The following LSP1 variants were observed in gnomAD, a reference collection of about 807,000 sequenced individuals.
LSP1 encodes the protein lymphocyte-specific protein 1.
A neutral mutation model predicts 49.3 loss-of-function variants in LSP1; 32 were observed. The ratio of observed to expected loss-of-function variants is 0.65; its 90% CI spans 0.49 to 0.87. The LOEUF (loss-of-function observed/expected upper bound fraction) is 0.87. Ranked by LOEUF, LSP1 falls within the 40% of genes least tolerant of loss-of-function variation. LSP1 has a pLI of 0.00. For missense variants in LSP1, 428 were observed against 442.6 expected, an observed-to-expected ratio of 0.97 and a Z score of 0.30; for synonymous variants, 179 against 178.8, an observed-to-expected ratio of 1.00 and a Z score of -0.01.
chr11:1,878,057 G>A (rs911757549), intron 1 of LSP1, among the ~76,000 whole-genome samples: 4 of 152,050 alleles, frequency 2.6e-5, no homozygotes, highest in Non-Finnish European at 4.4e-5. Context: ...TGGACCCATC[G>A]GAAGCCCAGG....
At chr11:1,891,645 T>A (rs1239695631) in intron 10 of LSP1, 128 bp from the exon 11 acceptor site, 1 of 153,856 alleles carries the variant, frequency 6.5e-6, no homozygotes, top group Non-Finnish European at 1.4e-5. Flanking sequence ...AGTGGGGGTG[T>A]GGGCAGGGCA....
At chr11:1,882,458 A>C (rs1379118373) in intron 3 of LSP1, among the ~76,000 whole-genome samples, 2 of 151,984 alleles carry the variant, frequency 1.3e-5, no homozygotes, top group African/African-American at 4.8e-5. Context: ...CCCACTCCCC[A>C]AGAACCACTG....
chr11:1,874,209 G>A (rs1240691933), intron 1 of LSP1, among the ~76,000 whole-genome samples: 2 of 87,284 alleles, frequency 2.3e-5, no homozygotes, highest in African/African-American at 1.0e-4. Context: ...TGGGGACAGT[G>A]GGGGCAGTGT....
intron 1 of LSP1, chr11:1,863,422 T>C (rs1160069884): frequency 1.3e-5 from 2 of 152,272 alleles, no homozygotes; most frequent in African/African-American, 2.4e-5. Flanking sequence ...CCAGGACTAA[T>C]TGGGTGGCCA....
intron 3 of LSP1, 148 bp from the exon 4 acceptor site, chr11:1,883,271 A>G: frequency 2.0e-6 from 2 of 987,018 alleles, no homozygotes; most frequent in East Asian, 4.9e-5. Flanking sequence ...CTTCTTTCCC[A>G]ATGGGCTTGG....
At chr11:1,874,073 A>T (rs1450655711) in intron 1 of LSP1, among the ~76,000 whole-genome samples, 14 of 131,842 alleles carry the variant, frequency 1.1e-4, no homozygotes, top group Admixed American at 1.6e-4. Context: ...AGGCCGGCAG[A>T]GGAGGGAGGC....
At chr11:1,870,444 A>AGG in intron 1 of LSP1, 1 of 1,205,266 alleles carries the variant, frequency 8.3e-7, no homozygotes, top group East Asian at 5.9e-5. Flanking sequence ...TGAGTCTGGG[A>AGG]GGGGCTGGTC....
intron 10 of LSP1, 51 bp downstream of exon 10, chr11:1,887,627 G>A (rs1037540042): frequency 1.3e-6 from 2 of 1,481,512 alleles, no homozygotes; most frequent in African/African-American, 1.4e-5. Flanking sequence ...CACGTGCACT[G>A]TGCTGGGAAC....
chr11:1,889,450 G>A lies in LSP1; in HGVS notation c.*13+1874G>A, dbSNP rs1459859353. Reference sequence around the variant, plus strand: ...AGGGCGGGCACCTCCTGCTCTGTGGGGGCAGGCACCTCCTGCTCTGTGGGG... The same window carrying A: ...AGGGCGGGCACCTCCTGCTCTGTGGAGGCAGGCACCTCCTGCTCTGTGGGG... On this transcript the variant is annotated intron_variant, in intron 10 of 10. Coordinates refer to ENST00000311604, the MANE Select transcript of LSP1 (RefSeq NM_002339.3). The A allele has an allele frequency of 4.7e-6, 3 of 645,048 alleles. 1 individual carries two copies. The South Asian group carries it at 5.2e-5, about 11-fold the overall frequency. The allele number at this position is 645,048 out of a possible 1,614,324, so 40.0% of individuals were successfully genotyped here. A position where few individuals can be genotyped will look rare whatever the true frequency, so the allele number is the denominator to read the frequency against.
At chr11:1,879,072 C>T (rs577287161) in intron 1 of LSP1, among the ~76,000 whole-genome samples, 4 of 152,266 alleles carry the variant, frequency 2.6e-5, no homozygotes, top group South Asian at 2.1e-4. Flanking sequence ...CGGCTGGGTG[C>T]GGTGGCTCAT....
At chr11:1,889,924 G>A in intron 10 of LSP1, 1 of 629,748 alleles carries the variant, frequency 1.6e-6, no homozygotes, top group Non-Finnish European at 2.9e-6. Flanking sequence ...GGGACCAGGG[G>A]CTGGGCCCTG....
intron 1 of LSP1, among the ~76,000 whole-genome samples, chr11:1,860,250 G>T (rs1324256501): frequency 6.6e-6 from 1 of 152,178 alleles, no homozygotes; most frequent in Non-Finnish European, 1.5e-5. Flanking sequence ...CAAATGGATG[G>T]ATGGATGGAT....
intron 1 of LSP1, among the ~76,000 whole-genome samples, chr11:1,866,248 T>C (rs1847784645): frequency 6.6e-6 from 1 of 152,178 alleles, no homozygotes; most frequent in African/African-American, 2.4e-5. Context: ...CTTCCTTTGA[T>C]GGCATGGAGC....
chr11:1,872,059 G>C lies in LSP1; in HGVS notation c.54-8028G>C, dbSNP rs1250485995. Among the ~76,000 whole-genome samples the C allele has an allele frequency of 3.3e-5, 4 of 121,728 alleles. No homozygotes were observed. The East Asian group carries it at 7.3e-4, about 22-fold the overall frequency. 79.9% of individuals were successfully genotyped at this position (121,728 alleles called of 152,430 possible). ...GGCAGGCCTGGGCTATAGTCACCCT[G>C]GTGCACGCTGGTAGAGTTGGGGTCT... On this transcript the variant is annotated intron_variant, in intron 1 of 10. Coordinates refer to ENST00000311604, the MANE Select transcript of LSP1 (RefSeq NM_002339.3).
At position 1,882,002 on chromosome 11, in the gene LSP1, C is replaced by G. The variant is rs535969233; in HGVS notation, c.356+406C>G. 9.8e-5 allele frequency among the ~76,000 whole-genome samples: 15 copies of G among 152,316 alleles called. No homozygotes were observed. The South Asian group carries it at 3.1e-3, about 32-fold the overall frequency. On this transcript the variant is annotated intron_variant, in intron 3 of 10. Transcript: ENST00000311604. Reference sequence around the variant, plus strand: ...CCGCTTCCGTAATGGAGGCTGAGAGCCCGCCGCCGCCCCTTCCTCCCTCGG... The same window carrying G: ...CCGCTTCCGTAATGGAGGCTGAGAGGCCGCCGCCGCCCCTTCCTCCCTCGG...
intron 2 of LSP1, 147 bp downstream of exon 2, chr11:1,880,371 T>G (rs1336201551): frequency 8.9e-6 from 9 of 1,009,886 alleles, no homozygotes; most frequent in Non-Finnish European, 1.1e-5. Flanking sequence ...GGCGTGGGAG[T>G]GGGTGAGTGC....
chr11:1,890,565 G>A, intron 10 of LSP1: 2 of 710,316 alleles, frequency 2.8e-6, no homozygotes, highest in Non-Finnish European at 5.2e-6. Flanking sequence ...GGGTGCCATC[G>A]ACGCAGCCGA....
chr11:1,870,193 G>A lies in LSP1; in HGVS notation c.54-9894G>A, dbSNP rs939540976. 3.8e-6 allele frequency: 4 copies of A among 1,044,628 alleles called. No homozygotes were observed. The African/African-American group carries it at 6.6e-5, about 17-fold the overall frequency. The allele number at this position is 1,044,628 out of a possible 1,614,324, so 64.7% of individuals were successfully genotyped here. ...CGGTCCACTTGACCTCAGCCATGAG[G>A]ACATCCCAAGGCCATGTGAGTCTCC... is the stretch of plus-strand genomic sequence containing the variant. On this transcript the variant is annotated intron_variant, in intron 1 of 10. Coordinates refer to ENST00000311604, the MANE Select transcript of LSP1 (RefSeq NM_002339.3).
At chr11:1,873,174 A>G (rs1379693909) in intron 1 of LSP1, among the ~76,000 whole-genome samples, 1 of 131,574 alleles carries the variant, frequency 7.6e-6, no homozygotes, top group Non-Finnish European at 1.6e-5. Context: ...GGATGGGGAG[A>G]GGGGAGGGCT....
Sources: gnomAD v4.1 joint callset for allele counts (sites outside exome capture counted in the v4.1 genomes callset) on GRCh38, gnomAD v4.1.1 for gene constraint, MANE v1.5 for transcripts, NCBI Gene and HGNC (gene_info 2026-07-23, HGNC 2026-07-21) for gene names.